PRPF39: variants seen among roughly 807,000 people sequenced by gnomAD.
PRPF39 encodes the protein pre-mRNA-processing factor 39.
Under a neutral mutation model 82.1 loss-of-function variants are expected in PRPF39, and 27 were observed. That is an observed-to-expected ratio of 0.33 (90% CI 0.24 to 0.45). PRPF39 has a LOEUF of 0.45. PRPF39 is among the 20% of genes least tolerant of loss of function. The pLI, the probability that PRPF39 is intolerant of heterozygous loss-of-function variation, is 1.00. For synonymous variants in PRPF39, 261 were observed against 256.4 expected (o/e 1.02, Z -0.17); for missense variants, 581 against 796.9 (o/e 0.73, Z 3.26).
chr14:45,099,271 A>C (rs560274826), intron 4 of PRPF39, among the ~76,000 whole-genome samples: 1 of 152,066 alleles, frequency 6.6e-6, no homozygotes, highest in Admixed American at 6.5e-5. Flanking sequence ...TTATTTTGAC[A>C]GTTTCCTTGC....
Position 45,115,362 on chromosome 14 carries a change from A to G in PRPF39, c.*449A>G, listed in dbSNP as rs1445068167. On this transcript the variant is annotated 3_prime_UTR_variant, in exon 14 of 14. Transcript: ENST00000355765. ...TGACAAGGTTTTGTCTGTTTCAGTT[A>G]TACTTGTGAATTGTGATCTAACTGC... 1.4e-5 allele frequency: 2 copies of G among 148,110 alleles called. No individual in the cohort carries two copies. The highest frequency in any genetic ancestry group is 3.0e-5 in the Non-Finnish European group (2 of 67,336). The allele number at this position is 148,110 out of a possible 1,614,324, so 9.2% of individuals were successfully genotyped here. A position where few individuals can be genotyped will look rare whatever the true frequency, so the allele number is the denominator to read the frequency against.
intron 5 of PRPF39, among the ~76,000 whole-genome samples, chr14:45,104,290 A>G (rs1884459699): frequency 6.6e-6 from 1 of 152,206 alleles, no homozygotes; most frequent in Non-Finnish European, 1.5e-5. Flanking sequence ...CTGATCTATA[A>G]TCTGATATTT....
At chr14:45,086,460 T>A (rs1478685036) in intron 1 of PRPF39, among the ~76,000 whole-genome samples, 1 of 152,206 alleles carries the variant, frequency 6.6e-6, no homozygotes, top group East Asian at 1.9e-4. Context: ...TATGATTTTA[T>A]AATAAAGTGT....
chr14:45,099,687 G>A (rs542114169), intron 4 of PRPF39, among the ~76,000 whole-genome samples: 5 of 152,082 alleles, frequency 3.3e-5, no homozygotes, highest in East Asian at 1.9e-4. Context: ...CTCGTGATCC[G>A]CCCGTCTTGG....
At chr14:45,085,951 G>T (rs1370588597) in intron 1 of PRPF39, among the ~76,000 whole-genome samples, 1 of 151,798 alleles carries the variant, frequency 6.6e-6, no homozygotes, top group Non-Finnish European at 1.5e-5. Context: ...AAAAAAAAAG[G>T]TATTAGGTCA....
intron 8 of PRPF39, 56 bp downstream of exon 8, chr14:45,109,836 C>CTAA: frequency 6.5e-7 from 1 of 1,530,868 alleles, no homozygotes; most frequent in Admixed American, 2.4e-5. Flanking sequence ...GATCTAGTGA[C>CTAA]TAACCTTTTT....
chr14:45,105,691 T>A (rs780919175), intron 5 of PRPF39, among the ~76,000 whole-genome samples: 1 of 151,870 alleles, frequency 6.6e-6, no homozygotes, highest in African/African-American at 2.4e-5. Flanking sequence ...GACACGGAGC[T>A]AATTTTTGTA....
chr14:45,102,998 T>C (rs1271682547), intron 5 of PRPF39, among the ~76,000 whole-genome samples: 1 of 152,194 alleles, frequency 6.6e-6, no homozygotes, highest in Admixed American at 6.5e-5. Context: ...GAGAAAATAG[T>C]ACCTAAGTTG....
chr14:45,100,781 G>T (rs1884350938), intron 4 of PRPF39, among the ~76,000 whole-genome samples: 1 of 151,916 alleles, frequency 6.6e-6, no homozygotes, highest in African/African-American at 2.4e-5. Flanking sequence ...CTTTGTTTAT[G>T]GTGTCTTTTA....
At chr14:45,093,690 G>T (rs1161740498) in intron 1 of PRPF39, among the ~76,000 whole-genome samples, 1 of 151,856 alleles carries the variant, frequency 6.6e-6, no homozygotes, top group African/African-American at 2.4e-5. Context: ...TGAGTAGCTG[G>T]GATTACAGGC....
At position 45,107,590 on chromosome 14, in the gene PRPF39, A is replaced by G; in HGVS notation, c.877A>G (p.Ile293Val). The G allele has an allele frequency of 6.4e-7, 1 of 1,552,316 alleles. No individual in the cohort carries two copies. Among genetic ancestry groups the G allele is most frequent in the Non-Finnish European group, 8.7e-7 (1 of 1,147,068 alleles). Residue 293 changes from isoleucine (I) to valine (V), a missense_variant, in exon 6 of 14, where the codon ATT becomes GTT. Transcript: ENST00000355765. ...TCCTGGTGATGATCTACCATCGGGAATTGAAGACATAACCGATCCTGCAAA... is the reference window on the plus strand; with the variant it reads ...TCCTGGTGATGATCTACCATCGGGAGTTGAAGACATAACCGATCCTGCAAA... ...GPPGDDLPSG[I>V]EDITDPAKLI...
chr14:45,101,256 T>G (rs1884364274), intron 4 of PRPF39, among the ~76,000 whole-genome samples: 3 of 152,212 alleles, frequency 2.0e-5, no homozygotes, highest in African/African-American at 7.2e-5. Flanking sequence ...TTTTTAGCGC[T>G]TTATTGAAAT....
chr14:45,090,095 CTT>C (rs1883973229), intron 1 of PRPF39, among the ~76,000 whole-genome samples: 2 of 152,170 alleles, frequency 1.3e-5, no homozygotes, highest in African/African-American at 4.8e-5. Flanking sequence ...AGCCTACAGT[CTT>C]TTTTGTATTT....
intron 1 of PRPF39, among the ~76,000 whole-genome samples, chr14:45,092,628 G>A (rs904536640): frequency 2.3e-4 from 34 of 145,670 alleles, no homozygotes; most frequent in Admixed American, 8.9e-4. Flanking sequence ...AAAAAAAGTC[G>A]TCAGCATCTT....
chr14:45,096,650 C>T, intron 3 of PRPF39: 1 of 1,496,592 alleles, frequency 6.7e-7, no homozygotes, highest in Non-Finnish European at 8.9e-7. Flanking sequence ...AACCCAAAGC[C>T]TGCCCACACA....
intron 4 of PRPF39, among the ~76,000 whole-genome samples, chr14:45,100,935 A>T (rs1884355113): frequency 6.6e-6 from 1 of 152,086 alleles, no homozygotes; most frequent in South Asian, 2.1e-4. Context: ...CATTTATCTG[A>T]ATTTAATTTC....
At chr14:45,112,249 G>A in intron 10 of PRPF39, 69 bp from the exon 11 acceptor site, 1 of 1,261,628 alleles carries the variant, frequency 7.9e-7, no homozygotes, top group Non-Finnish European at 1.1e-6. Flanking sequence ...TAAAAACTAA[G>A]GCATTTTAAA....
chr14:45,102,087 A>T (rs1353047255), intron 4 of PRPF39, among the ~76,000 whole-genome samples: 2 of 152,118 alleles, frequency 1.3e-5, no homozygotes, highest in Admixed American at 1.3e-4. Context: ...GATTACAGGC[A>T]TGAGCCTGTA....
At chr14:45,089,837 T>C (rs576133143) in intron 1 of PRPF39, among the ~76,000 whole-genome samples, 1 of 152,262 alleles carries the variant, frequency 6.6e-6, no homozygotes, top group South Asian at 2.1e-4. Context: ...GAGTAACTCA[T>C]TAAAAAATAA....
Sources: gnomAD v4.1 joint callset for allele counts (sites outside exome capture counted in the v4.1 genomes callset) on GRCh38, gnomAD v4.1.1 for gene constraint, MANE v1.5 for transcripts, NCBI Gene and HGNC (gene_info 2026-07-23, HGNC 2026-07-21) for gene names.